The following PDS5B variants were observed in gnomAD, a reference collection of about 807,000 sequenced individuals.
PDS5B encodes the protein PDS5 cohesin associated factor B.
PDS5B carries 51 observed loss-of-function variants against 184.1 expected under a neutral mutation model. The observed-to-expected ratio is 0.28, with a 90% confidence interval of 0.22 to 0.35. The LOEUF is 0.35. PDS5B is among the 10% of genes least tolerant of loss of function. The pLI is 1.00. For missense variants in PDS5B, 1,180 were observed against 1,723.3 expected (o/e 0.68, Z 5.58); for synonymous variants, 566 against 569.2 (o/e 0.99, Z 0.08).
intron 21 of PDS5B, among the ~76,000 whole-genome samples, chr13:32,740,132 G>T (rs1393889596): frequency 1.3e-5 from 2 of 152,072 alleles, no homozygotes; most frequent in African/African-American, 4.8e-5. Context: ...TCATTCTTCA[G>T]TACTGTTTTT....
At chr13:32,589,159 A>G (rs2057735574) in intron 1 of PDS5B, among the ~76,000 whole-genome samples, 1 of 152,254 alleles carries the variant, frequency 6.6e-6, no homozygotes, top group African/African-American at 2.4e-5. Context: ...TCACTTATAC[A>G]TGAGAAATTA....
At chr13:32,639,430 C>G (rs2140614754) in intron 1 of PDS5B, among the ~76,000 whole-genome samples, 1 of 152,262 alleles carries the variant, frequency 6.6e-6, no homozygotes, top group East Asian at 1.9e-4. Flanking sequence ...CATAAATACA[C>G]TGATTTTGAA....
At chr13:32,756,040 T>TATTG in intron 26 of PDS5B, 84 bp downstream of exon 26, 1 of 703,550 alleles carries the variant, frequency 1.4e-6, no homozygotes, top group Non-Finnish European at 2.5e-6. Context: ...CAATTATAAT[T>TATTG]AGTTTATTGA....
Position 32,749,086 on chromosome 13 carries a change from G to T in PDS5B, c.2736+2986G>T, listed in dbSNP as rs79707690. Among the ~76,000 whole-genome samples, 570 of 152,220 alleles carry T rather than the reference G, an allele frequency of 3.7e-3. 8 individuals carry two copies. The highest frequency in any genetic ancestry group is 0.012 in the African/African-American group (514 of 41,540). On this transcript the variant is annotated intron_variant, in intron 24 of 34. Coordinates refer to ENST00000315596, the MANE Select transcript of PDS5B (RefSeq NM_015032.4). ...ACAACTGCACGTATTTTACAACCTG[G>T]TGTTTGAGCCCCTCTAATATTTTAA... is the stretch of plus-strand genomic sequence containing the variant.
Position 32,602,674 on chromosome 13 carries a change from T to G in PDS5B, c.-20+16081T>G, listed in dbSNP as rs187571258. 3.4e-3 allele frequency among the ~76,000 whole-genome samples: 524 copies of G among 152,372 alleles called. 3 individuals are homozygous for G. Among genetic ancestry groups the G allele is most frequent in the African/African-American group, 0.01 (436 of 41,582 alleles). Reference sequence around the variant, plus strand: ...CTAGATCCTTGAGGAATCGCCACACTGTCTTCCACAATGGTTGAACTAGTT... The same window carrying G: ...CTAGATCCTTGAGGAATCGCCACACGGTCTTCCACAATGGTTGAACTAGTT... On this transcript the variant is annotated intron_variant, in intron 1 of 34. Transcript: ENST00000315596.
intron 1 of PDS5B, among the ~76,000 whole-genome samples, chr13:32,592,303 G>A (rs1410462533): frequency 6.6e-6 from 1 of 152,086 alleles, no homozygotes; most frequent in East Asian, 1.9e-4. Context: ...TGCACAGGCT[G>A]GAATGCAGTG....
intron 19 of PDS5B, among the ~76,000 whole-genome samples, chr13:32,720,404 C>T (rs56291634): frequency 0.32 from 48,540 of 151,818 alleles, 9,405 homozygotes; most frequent in Non-Finnish European, 0.44. Context: ...CTTTCAGGAA[C>T]TTATCCCAGA....
At chr13:32,733,985 A>AACACACACACACACACACACACAC (rs148714647) in intron 20 of PDS5B, among the ~76,000 whole-genome samples, 2,673 of 141,964 alleles carry the variant, frequency 0.019, 96 homozygotes, top group African/African-American at 0.071. Context: ...CAAAAATTAA[A>AACACACACACACACACACACACAC]ACACACACAC....
At chr13:32,756,883 G>A (rs1362018454) in intron 26 of PDS5B, among the ~76,000 whole-genome samples, 1 of 152,078 alleles carries the variant, frequency 6.6e-6, no homozygotes, top group Non-Finnish European at 1.5e-5. Flanking sequence ...AGCACTTTGG[G>A]AGGCTGAGGC....
At chr13:32,596,805 T>A (rs879325463) in intron 1 of PDS5B, among the ~76,000 whole-genome samples, 1 of 152,136 alleles carries the variant, frequency 6.6e-6, no homozygotes, top group African/African-American at 2.4e-5. Flanking sequence ...GGATGCCTCT[T>A]CAAGCTTTCT....
chr13:32,713,502 T>C (rs1593487760), intron 19 of PDS5B, among the ~76,000 whole-genome samples: 1 of 152,100 alleles, frequency 6.6e-6, no homozygotes, highest in South Asian at 2.1e-4. Context: ...AATGAAGTAA[T>C]ACATGAAAAA....
intron 19 of PDS5B, among the ~76,000 whole-genome samples, chr13:32,719,911 CA>C (rs1437214853): frequency 6.6e-6 from 1 of 151,932 alleles, no homozygotes; most frequent in African/African-American, 2.4e-5. Context: ...GTGTCTCAGC[CA>C]CCCAAATAGC....
At chr13:32,613,961 CCTGTT>C (rs1422384635) in intron 1 of PDS5B, among the ~76,000 whole-genome samples, 1 of 152,126 alleles carries the variant, frequency 6.6e-6, no homozygotes, top group African/African-American at 2.4e-5. Flanking sequence ...GTGTTGATAA[CCTGTT>C]CTGTCACCGT....
At chr13:32,607,919 A>G (rs1050155507) in intron 1 of PDS5B, among the ~76,000 whole-genome samples, 1 of 152,214 alleles carries the variant, frequency 6.6e-6, no homozygotes, top group East Asian at 1.9e-4. Flanking sequence ...AAAGCACAGT[A>G]GCAGGGTGGG....
At chr13:32,724,491 G>T (rs1034504028) in intron 19 of PDS5B, among the ~76,000 whole-genome samples, 1 of 152,170 alleles carries the variant, frequency 6.6e-6, no homozygotes, top group African/African-American at 2.4e-5. Flanking sequence ...CTTGCAGCAG[G>T]AATCAGGTTG....
intron 1 of PDS5B, among the ~76,000 whole-genome samples, chr13:32,634,239 A>G (rs752655830): frequency 2.6e-5 from 4 of 152,216 alleles, no homozygotes; most frequent in Non-Finnish European, 5.9e-5. Flanking sequence ...CAACTGCCTT[A>G]TGTGATAATG....
chr13:32,745,558 T>C (rs1167829864), intron 23 of PDS5B, among the ~76,000 whole-genome samples: 1 of 152,208 alleles, frequency 6.6e-6, no homozygotes, highest in African/African-American at 2.4e-5. Context: ...ACCAGGCTTA[T>C]AAACAACAGA....
intron 30 of PDS5B, among the ~76,000 whole-genome samples, chr13:32,762,673 C>A (rs1954448871): frequency 6.6e-6 from 1 of 151,894 alleles, no homozygotes; most frequent in Non-Finnish European, 1.5e-5. Flanking sequence ...TTTGACTCTT[C>A]CCCCCTCTAT....
In PDS5B at chr13:32,659,159, G is replaced by T; in HGVS notation, c.503G>T (p.Gly168Val). The change falls in exon 6 of 35, where the codon GGC (glycine) becomes GTC (valine). Residue 168 changes from glycine (G) to valine (V), a missense_variant. Transcript: ENST00000315596. Reference sequence around the variant, plus strand: ...AAATCTGTTTTGAATTGCAGCAATGGCCACAATCAGAAAGTCCATATGCAC... The same window carrying T: ...AAATCTGTTTTGAATTGCAGCAATGTCCACAATCAGAAAGTCCATATGCAC... ...YRTLFSVINNGHNQKVHMHMV... is the reference protein window; with the variant it reads ...YRTLFSVINNVHNQKVHMHMV... The T allele has an allele frequency of 6.5e-7, 1 of 1,548,830 alleles. No homozygotes were observed. Among genetic ancestry groups the T allele is most frequent in the Non-Finnish European group, 8.8e-7 (1 of 1,138,856 alleles).
Sources: gnomAD v4.1 joint callset for allele counts (sites outside exome capture counted in the v4.1 genomes callset) on GRCh38, gnomAD v4.1.1 for gene constraint, MANE v1.5 for transcripts, NCBI Gene and HGNC (gene_info 2026-07-23, HGNC 2026-07-21) for gene names.